FANCG: variants seen among roughly 807,000 people sequenced by gnomAD.
FANCG encodes the protein FA complementation group G, also known as Fanconi anemia group G protein.
FANCG carries 67 observed loss-of-function variants against 73.3 expected under a neutral mutation model. That is an observed-to-expected ratio of 0.91 (90% CI 0.75 to 1.12). The LOEUF (loss-of-function observed/expected upper bound fraction) is 1.12, where lower values mean the gene tolerates loss of function less well. FANCG is among the 50% of genes most tolerant of loss of function. The pLI, the probability that FANCG is intolerant of heterozygous loss-of-function variation, is 0.00. For synonymous variants in FANCG, 297 were observed against 311.6 expected (o/e 0.95, Z 0.49); for missense variants, 643 against 735.6 (o/e 0.87, Z 1.46).
At chr9:35,076,129 G>A in intron 8 of FANCG, 101 bp from the exon 9 acceptor site, 1 of 1,232,340 alleles carries the variant, frequency 8.1e-7, no homozygotes, top group Non-Finnish European at 1.2e-6. Flanking sequence ...ATGTTCATGG[G>A]CCCTGAGGAG....
chr9:35,077,877 ATCC>A, intron 4 of FANCG: 1 of 519,458 alleles, frequency 1.9e-6, no homozygotes, highest in South Asian at 2.0e-5. Context: ...GGTTCAAGTG[ATCC>A]TCCTACCTCA....
At position 35,075,544 on chromosome 9, in the gene FANCG, C is replaced by T. The variant is rs756069860; in HGVS notation, c.1354G>A (p.Val452Ile). ...TKELPYCPLW[V>I]SATHLLQGQA... ...CCCTGAAGCAGGTGGGTGGCAGAGACCCAGAGTGGGCAGTATGGCAGTTCC... is the reference window on the plus strand; with the variant it reads ...CCCTGAAGCAGGTGGGTGGCAGAGATCCAGAGTGGGCAGTATGGCAGTTCC... Residue 452 changes from valine (V) to isoleucine (I), a missense_variant, in exon 10 of 14, where the codon GTC becomes ATC. Transcript: ENST00000378643. The T allele has an allele frequency of 1.5e-5, 25 of 1,614,030 alleles. No homozygotes were observed. The South Asian group carries it at 2.5e-4, about 16-fold the overall frequency.
At chr9:35,074,811 C>A in intron 12 of FANCG, 116 bp downstream of exon 12, 1 of 1,335,886 alleles carries the variant, frequency 7.5e-7, no homozygotes. Context: ...ATAGCACAAC[C>A]CCAATCACCC....
Position 35,076,714 on chromosome 9 carries a change from AG to A in FANCG, c.924+9del. 1 of 1,614,206 alleles carries A rather than the reference AG, an allele frequency of 6.2e-7. No homozygotes were observed. On this transcript the variant is annotated intron_variant, in intron 7 of 13. Coordinates refer to ENST00000378643, the MANE Select transcript of FANCG (RefSeq NM_004629.2). Reference sequence around the variant, plus strand: ...CCTCCACCCCACATCTTCACCTGGCAGTTCCCTACCTCAACTAGCAGCTCCA... The same window carrying A: ...CCTCCACCCCACATCTTCACCTGGCATTCCCTACCTCAACTAGCAGCTCCA...
At position 35,077,349 on chromosome 9, in the gene FANCG, T is replaced by A; in HGVS notation, c.561A>T (p.Pro187=). ...TCAATGGAGCATCTAATTCCTCAGC[T>A]GGGGGACTCCAAGTTTTCAGAAGTA... ...LLLLLKTWSP[P]AEELDAPLTL... Residue 187 remains proline, a synonymous_variant, in exon 5 of 14, where the codon CCA becomes CCT. Transcript: ENST00000378643. The A allele has an allele frequency of 6.2e-7, 1 of 1,614,100 alleles. No homozygotes were observed. Among genetic ancestry groups the A allele is most frequent in the South Asian group, 1.1e-5 (1 of 91,074 alleles).
At position 35,079,203 on chromosome 9, in the gene FANCG, C is replaced by T. The variant is rs1319799772; in HGVS notation, c.123G>A (p.Gln41=). 2 of 1,608,636 alleles carry T rather than the reference C, an allele frequency of 1.2e-6. No individual in the cohort carries two copies. The highest frequency in any genetic ancestry group is 1.7e-6 in the Non-Finnish European group (2 of 1,177,790). ...QNSGLTLRRQ[Q]LAQDALEGLR... ...GCCCTTCCAGTGCATCCTGAGCCAA[C>T]TGCTGTCGCCTCAGAGTCAGACCGG... The change falls in exon 2 of 14, where the codon CAG becomes CAA. Residue 41 remains glutamine (Q), a synonymous_variant. Transcript: ENST00000378643.
chr9:35,074,581 A>C lies in FANCG; in HGVS notation c.1637-87T>G. On this transcript the variant is annotated intron_variant, in intron 12 of 13. Transcript: ENST00000378643. ...TAAAAAGGGAAACTGAGGCCTAGAG[A>C]GAGGAAGTATCTTGCCTACACTCAC... 3.2e-6 allele frequency: 5 copies of C among 1,561,696 alleles called. No homozygotes were observed. In the Middle Eastern group the frequency reaches 5.0e-4, roughly 157 times the overall value.
Position 35,078,318 on chromosome 9 carries a change from C to T in FANCG, c.333G>A (p.Gly111=), listed in dbSNP as rs1060504370. 2.5e-6 allele frequency: 4 copies of T among 1,613,754 alleles called. No individual in the cohort carries two copies. The highest frequency in any genetic ancestry group is 2.5e-6 in the Non-Finnish European group (3 of 1,179,996). Residue 111 remains glycine (G), a synonymous_variant, in exon 4 of 14, where the codon GGG becomes GGA. Coordinates refer to ENST00000378643, the MANE Select transcript of FANCG (RefSeq NM_004629.2). ...CCCTGAGCCCCTGTTCCAACCTGGG[C>T]CCCTGCTGCTCCTGTGTCTCCAGCA... ...ERVLETQEQQ[G]PRLEQGLREL... is the part of the protein sequence containing the mutation.
chr9:35,075,534 G>A lies in FANCG; in HGVS notation c.1364C>T (p.Thr455Ile), dbSNP rs1183566121. The A allele has an allele frequency of 2.5e-6, 4 of 1,614,064 alleles. No individual in the cohort carries two copies. The highest frequency in any genetic ancestry group is 3.4e-6 in the Non-Finnish European group (4 of 1,180,036). ...CCAGGCCTGGCCCTGAAGCAGGTGG[G>A]TGGCAGAGACCCAGAGTGGGCAGTA... ...LPYCPLWVSA[T>I]HLLQGQAWVQ... is the part of the protein sequence containing the mutation. Residue 455 changes from threonine (T) to isoleucine (I), a missense_variant, in exon 10 of 14, where the codon ACC becomes ATC. Physicochemically the swap from Thr to Ile is moderately conservative, Grantham distance 89. Transcript: ENST00000378643.
At chr9:35,078,775 T>A (rs760343775) in intron 2 of FANCG, 39 bp from the exon 3 acceptor site, 2 of 1,613,516 alleles carry the variant, frequency 1.2e-6, no homozygotes, top group Non-Finnish European at 1.7e-6. Flanking sequence ...TGCTCCCCCA[T>A]GGAAGATCCT....
At chr9:35,078,572 G>A (rs745918849) in intron 3 of FANCG, 33 bp downstream of exon 3, 1 of 1,614,042 alleles carries the variant, frequency 6.2e-7, no homozygotes, top group South Asian at 1.1e-5. Flanking sequence ...ACTGAAGATG[G>A]CAGGGGAATC....
chr9:35,078,888 C>A, intron 2 of FANCG, 152 bp from the exon 3 acceptor site: 1 of 1,197,230 alleles, frequency 8.4e-7, no homozygotes, highest in Non-Finnish European at 1.2e-6. Flanking sequence ...AAAAAGAACC[C>A]AACCTTTGGA....
In FANCG at chr9:35,076,817, T is replaced by C; in HGVS notation, c.831A>G (p.Ser277=). 6.2e-7 allele frequency: 1 copy of C among 1,614,202 alleles called. No individual in the cohort carries two copies. Among genetic ancestry groups the C allele is most frequent in the South Asian group, 1.1e-5 (1 of 91,086 alleles). The part of the protein sequence containing the change: ...LYLVAALKEG[S]AWGPPLLEAS... ...CCTCCAGAAGTGGAGGACCCCAGGC[T>C]GATCCCTCTTTCAGGGCTGCAACCA... The change falls in exon 7 of 14, where the codon TCA becomes TCG. Residue 277 remains serine, a synonymous_variant. Transcript: ENST00000378643.
rs200466062 is a variant in FANCG, at chr9:35,074,413, C to A, written c.1718G>T (p.Arg573Met). Residue 573 changes from arginine to methionine, a missense_variant, in exon 13 of 14, where the codon AGG becomes ATG. Physicochemically the swap from Arg to Met is moderately conservative, Grantham distance 91. Transcript: ENST00000378643. ...RRDEATALWW[R>M]LEAQTKGSHE... ...TGACCCCTTAGTTTGGGCCTCCAGCCTCCACCAGAGTGCAGTGGCCTCATC... is the reference window on the plus strand; with the variant it reads ...TGACCCCTTAGTTTGGGCCTCCAGCATCCACCAGAGTGCAGTGGCCTCATC... 6 of 1,614,122 alleles carry A rather than the reference C, an allele frequency of 3.7e-6. No homozygotes were observed. The highest frequency in any genetic ancestry group is 5.1e-6 in the Non-Finnish European group (6 of 1,180,052).
chr9:35,079,530 C>A lies in FANCG; in HGVS notation c.-6G>T. On this transcript the variant is annotated 5_prime_UTR_variant, in exon 1 of 14. Coordinates refer to ENST00000378643, the MANE Select transcript of FANCG (RefSeq NM_004629.2). ...GAGGTGGTCTGGCGGGACATGGTGG[C>A]CGAGGCTGGGCCCGGAGACCAGAAG... is the stretch of plus-strand genomic sequence containing the variant. 1 of 1,613,978 alleles carries A rather than the reference C, an allele frequency of 6.2e-7. No homozygotes were observed. Among genetic ancestry groups the A allele is most frequent in the East Asian group, 2.2e-5 (1 of 44,862 alleles).
Position 35,076,767 on chromosome 9 carries a change from C to T in FANCG, c.881G>A (p.Gly294Glu), listed in dbSNP as rs17880082. ...ACTCTCCAGCTCTGCTGTTGTGTCC[C>T]CCAGTTGCTGATAGAGCCTAGAGGC... ...LEASRLYQQL[G>E]DTTAELESLE... Residue 294 changes from glycine (G) to glutamate (E), a missense_variant, in exon 7 of 14, where the codon GGG (glycine) becomes GAG (glutamate). Gly to Glu is a moderately conservative substitution (Grantham distance 98). Coordinates refer to ENST00000378643, the MANE Select transcript of FANCG (RefSeq NM_004629.2). 125 of 1,614,068 alleles carry T rather than the reference C, an allele frequency of 7.7e-5. No homozygotes were observed. The East Asian group carries it at 9.8e-4, about 13-fold the overall frequency.
chr9:35,078,773 C>G (rs1345793643), intron 2 of FANCG, 37 bp from the exon 3 acceptor site: 5 of 1,613,532 alleles, frequency 3.1e-6, no homozygotes, highest in Non-Finnish European at 4.2e-6. Flanking sequence ...ACTGCTCCCC[C>G]ATGGAAGATC....
rs1829026064 is a variant in FANCG, at chr9:35,073,923, G to A, written c.*185C>T. The A allele has an allele frequency of 1.5e-6, 1 of 669,998 alleles. No homozygotes were observed. Among genetic ancestry groups the A allele is most frequent in the Non-Finnish European group, 2.7e-6 (1 of 366,854 alleles). The allele number at this position is 669,998 out of a possible 1,614,324, so 41.5% of individuals were successfully genotyped here. A position where few individuals can be genotyped will look rare whatever the true frequency, so the allele number is the denominator to read the frequency against. ...CAAAGTCAATGACTTGGTGGTGGCAGAGATTGTTTCCTCCAAAACGAGAAT... is the reference window on the plus strand; with the variant it reads ...CAAAGTCAATGACTTGGTGGTGGCAAAGATTGTTTCCTCCAAAACGAGAAT... On this transcript the variant is annotated 3_prime_UTR_variant, in exon 14 of 14. Coordinates refer to ENST00000378643, the MANE Select transcript of FANCG (RefSeq NM_004629.2).
chr9:35,077,052 AAG>A lies in FANCG; in HGVS notation c.694_695del (p.Leu232SerfsTer2). 1 of 1,614,246 alleles carries A rather than the reference AAG, an allele frequency of 6.2e-7. No individual in the cohort carries two copies. Among genetic ancestry groups the A allele is most frequent in the Non-Finnish European group, 8.5e-7 (1 of 1,180,036 alleles). On this transcript the variant is annotated frameshift_variant, in exon 6 of 14. Coordinates refer to ENST00000378643, the MANE Select transcript of FANCG (RefSeq NM_004629.2). LOFTEE classifies it high-confidence loss of function. ...TGNPDKALSS[L>X]HEAASGLCPR... Reference sequence around the variant, plus strand: ...GACACAGGCCTGAGGCCGCTTCATGAAGGCTGCTTAGTGCCTTGTCTGGGTTC... The same window carrying A: ...GACACAGGCCTGAGGCCGCTTCATGAGCTGCTTAGTGCCTTGTCTGGGTTC...
Sources: allele counts gnomAD v4.1 joint callset, GRCh38; gene constraint gnomAD v4.1.1; transcripts MANE v1.5; gene names NCBI Gene and HGNC (gene_info 2026-07-23, HGNC 2026-07-21).